Variants in MTA3 observed in about 807,000 individuals in gnomAD.
MTA3 encodes the protein metastasis-associated protein MTA3.
MTA3 carries 34 observed loss-of-function variants against 83.5 expected under a neutral mutation model. The observed-to-expected ratio is 0.41, with a 90% CI of 0.31 to 0.54. MTA3 has a LOEUF of 0.54. Ranked by LOEUF, MTA3 falls within the 20% of genes least tolerant of loss-of-function variation. The pLI, the probability that MTA3 is intolerant of heterozygous loss-of-function variation, is 0.33. For synonymous variants in MTA3, 303 were observed against 252.7 expected (o/e 1.20, Z -1.89); for missense variants, 761 against 726.4 (o/e 1.05, Z -0.55).
intron 16 of MTA3, among the ~76,000 whole-genome samples, chr2:42,747,579 A>G (rs1011640980): frequency 6.6e-6 from 1 of 151,666 alleles, no homozygotes; most frequent in Non-Finnish European, 1.5e-5. Context: ...AGGTGCCCCA[A>G]CAGTATAACA....
At chr2:42,602,437 T>C (rs1377801069) in intron 3 of MTA3, among the ~76,000 whole-genome samples, 1 of 152,230 alleles carries the variant, frequency 6.6e-6, no homozygotes, top group African/African-American at 2.4e-5. Flanking sequence ...GTTCATGTGG[T>C]GGAAGAAACT....
At chr2:42,506,130 A>G (rs1185125838) in intron 2 of MTA3, among the ~76,000 whole-genome samples, 2 of 152,054 alleles carry the variant, frequency 1.3e-5, no homozygotes, top group Non-Finnish European at 2.9e-5. Flanking sequence ...CCACTTTTAT[A>G]TGTATTTGAA....
At chr2:42,725,086 C>T (rs796313966) in intron 16 of MTA3, among the ~76,000 whole-genome samples, 4 of 152,360 alleles carry the variant, frequency 2.6e-5, no homozygotes, top group African/African-American at 9.6e-5. Flanking sequence ...AGGCTGATGA[C>T]ATGTGCTCGG....
chr2:42,562,273 G>A (rs1036269519), intron 2 of MTA3, among the ~76,000 whole-genome samples: 30 of 152,202 alleles, frequency 2.0e-4, no homozygotes, highest in Admixed American at 3.9e-4. Context: ...ATATTCGCAG[G>A]TTCTGGGTGG....
chr2:42,546,052 G>A (rs539804539), intron 2 of MTA3, among the ~76,000 whole-genome samples: 1 of 152,254 alleles, frequency 6.6e-6, no homozygotes, highest in South Asian at 2.1e-4. Context: ...CTCCTGAAAG[G>A]GCAATTGGCT....
chr2:42,707,945 T>G lies in MTA3; in HGVS notation c.1193T>G (p.Met398Arg), dbSNP rs1251508246. Residue 398 changes from methionine (M) to arginine (R), a missense_variant, in exon 13 of 17, where the codon ATG (methionine) becomes AGG (arginine). By Grantham distance (91) the Met-to-Arg change is moderately conservative (BLOSUM62 -1). Transcript: ENST00000405094. ...HQWYSWGPPNMQCRLCAICWL... is the reference protein window; with the variant it reads ...HQWYSWGPPNRQCRLCAICWL... ...TGGTATTCTTGGGGCCCACCTAATA[T>G]GCAGTGTAGATTATGTGCAATTTGT... 6.2e-7 allele frequency: 1 copy of G among 1,611,840 alleles called. No individual in the cohort carries two copies. Among genetic ancestry groups the G allele is most frequent in the Non-Finnish European group, 8.5e-7 (1 of 1,179,362 alleles).
chr2:42,645,500 G>T (rs367774967), intron 6 of MTA3, among the ~76,000 whole-genome samples: 1 of 151,288 alleles, frequency 6.6e-6, no homozygotes, highest in South Asian at 2.1e-4. Context: ...ACTCCAGCTT[G>T]GGCAACAGAG....
intron 1 of MTA3, chr2:42,569,954 ATT>A (rs777013022): frequency 8.0e-5 from 11 of 137,404 alleles, no homozygotes; most frequent in Non-Finnish European, 7.9e-5. Flanking sequence ...TGCTCATCTG[ATT>A]TTTTTTTTTT....
intron 3 of MTA3, among the ~76,000 whole-genome samples, chr2:42,590,775 C>A (rs1480695958): frequency 6.6e-6 from 1 of 152,072 alleles, no homozygotes; most frequent in African/African-American, 2.4e-5. Context: ...TGTGCACCAC[C>A]ATGCCTGGCT....
At chr2:42,718,840 C>A in intron 14 of MTA3, 148 bp from the exon 15 acceptor site, 2 of 604,102 alleles carry the variant, frequency 3.3e-6, no homozygotes, top group Non-Finnish European at 5.8e-6. Context: ...AACTAGAAAC[C>A]ATTTTCTCAA....
chr2:42,505,969 C>CA (rs1426501201), intron 2 of MTA3, among the ~76,000 whole-genome samples: 1 of 151,872 alleles, frequency 6.6e-6, no homozygotes, highest in East Asian at 1.9e-4. Context: ...TTCACCGTGT[C>CA]AGCCAGGCTG....
chr2:42,668,801 A>G (rs1169829789), intron 8 of MTA3, among the ~76,000 whole-genome samples: 1 of 152,232 alleles, frequency 6.6e-6, no homozygotes, highest in East Asian at 1.9e-4. Flanking sequence ...TGGTGAACAA[A>G]GGCTGTTAAT....
chr2:42,609,463 A>G lies in MTA3; in HGVS notation c.196A>G (p.Ile66Val). The G allele has an allele frequency of 6.2e-7, 1 of 1,613,616 alleles. No individual in the cohort carries two copies. Among genetic ancestry groups the G allele is most frequent in the Non-Finnish European group, 8.5e-7 (1 of 1,179,690 alleles). ...IMLADKHAKE[I>V]EEESETTVEA... ...TTTGAATTTTATTTGTGTAGAAGAA[A>G]TTGAGGAAGAATCTGAAACAACAGT... The change falls in exon 4 of 17, where the codon ATT becomes GTT. Residue 66 changes from isoleucine to valine, a missense_variant. By Grantham distance (29) the Ile-to-Val change is conservative (BLOSUM62 3). Coordinates refer to ENST00000405094, the MANE Select transcript of MTA3 (RefSeq NM_001330442.2).
chr2:42,597,069 G>C (rs148976928), intron 3 of MTA3, among the ~76,000 whole-genome samples: 1 of 151,344 alleles, frequency 6.6e-6, no homozygotes, highest in Non-Finnish European at 1.5e-5. Context: ...ATTGCCCGGT[G>C]AATAATTTTT....
At chr2:42,740,355 A>G (rs1668939962) in intron 16 of MTA3, among the ~76,000 whole-genome samples, 1 of 152,212 alleles carries the variant, frequency 6.6e-6, no homozygotes, top group Non-Finnish European at 1.5e-5. Context: ...TATAAAAAAT[A>G]CAAAAACTTG....
chr2:42,675,329 T>C (rs1691242443), intron 8 of MTA3, among the ~76,000 whole-genome samples: 1 of 152,078 alleles, frequency 6.6e-6, no homozygotes, highest in Non-Finnish European at 1.5e-5. Context: ...AGAGATGGGC[T>C]TTCACTCTGT....
intron 3 of MTA3, among the ~76,000 whole-genome samples, chr2:42,607,034 G>A (rs765882717): frequency 6.8e-6 from 1 of 146,914 alleles, no homozygotes; most frequent in Non-Finnish European, 1.5e-5. Flanking sequence ...GTCCAGCTTC[G>A]GCTCCGCATG....
At chr2:42,711,571 G>A (rs1460160820) in intron 14 of MTA3, among the ~76,000 whole-genome samples, 2 of 152,018 alleles carry the variant, frequency 1.3e-5, no homozygotes, top group East Asian at 1.9e-4. Flanking sequence ...TTCAGCAGCC[G>A]TCTACTCTTT....
At chr2:42,602,645 C>T (rs150150855) in intron 3 of MTA3, among the ~76,000 whole-genome samples, 49 of 152,170 alleles carry the variant, frequency 3.2e-4, no homozygotes, top group African/African-American at 1.1e-3. Context: ...ATCAAATTGT[C>T]CTCATTTGCT....
Sources: allele counts gnomAD v4.1 joint callset (sites outside exome capture counted in the v4.1 genomes callset), GRCh38; gene constraint gnomAD v4.1.1; transcripts MANE v1.5; gene names NCBI Gene and HGNC (gene_info 2026-07-23, HGNC 2026-07-21).